Variants in DCUN1D2 observed in about 807,000 individuals in gnomAD.
DCUN1D2 encodes the protein defective in cullin neddylation 1 domain containing 2.
A neutral mutation model predicts 30.9 loss-of-function variants in DCUN1D2; 29 were observed. The ratio of observed to expected loss-of-function variants is 0.94; its 90% CI spans 0.70 to 1.28. The LOEUF is 1.28. Ranked by LOEUF, DCUN1D2 falls within the 50% of genes most tolerant of loss-of-function variation. DCUN1D2 has a pLI of 0.00. For synonymous variants in DCUN1D2, 121 were observed against 115.3 expected (o/e 1.05, Z -0.32); for missense variants, 325 against 316.9 (o/e 1.03, Z -0.19).
At chr13:113,483,329 C>A (rs2044742212) in intron 2 of DCUN1D2, among the ~76,000 whole-genome samples, 1 of 152,144 alleles carries the variant, frequency 6.6e-6, no homozygotes, top group Non-Finnish European at 1.5e-5. Context: ...TTTCCCAAAG[C>A]CTCTCTAATC....
chr13:113,489,437 A>G (rs969206820), intron 1 of DCUN1D2, among the ~76,000 whole-genome samples: 3 of 152,154 alleles, frequency 2.0e-5, no homozygotes, highest in African/African-American at 4.8e-5. Flanking sequence ...GGTCAGTGGG[A>G]TCTTTTCAGC....
chr13:113,472,949 CT>C (rs1169792046), intron 4 of DCUN1D2, among the ~76,000 whole-genome samples: 1 of 151,788 alleles, frequency 6.6e-6, no homozygotes, highest in Non-Finnish European at 1.5e-5. Flanking sequence ...CCGTGTCCCC[CT>C]GCGCCTCTGC....
chr13:113,484,267 AACATTTT>A (rs1326984017), intron 1 of DCUN1D2: 3 of 1,043,154 alleles, frequency 2.9e-6, no homozygotes, highest in Non-Finnish European at 4.0e-6. Context: ...TATGAGAATT[AACATTTT>A]ATACAAAATA....
At chr13:113,475,815 TAA>T (rs1424344996) in intron 3 of DCUN1D2, 1 of 152,218 alleles carries the variant, frequency 6.6e-6, no homozygotes, top group Non-Finnish European at 1.5e-5. Context: ...GTGACCTTCT[TAA>T]AAAAGGGAGT....
chr13:113,477,318 A>AT (rs1409234203), intron 3 of DCUN1D2, among the ~76,000 whole-genome samples: 2 of 152,080 alleles, frequency 1.3e-5, no homozygotes, highest in Non-Finnish European at 2.9e-5. Context: ...ATGAATTACT[A>AT]TTTTCTCTAT....
chr13:113,485,383 G>A (rs564406853), intron 1 of DCUN1D2, among the ~76,000 whole-genome samples: 1 of 152,264 alleles, frequency 6.6e-6, no homozygotes, highest in South Asian at 2.1e-4. Context: ...GGTGCCATTA[G>A]TACAAGGACG....
Position 113,490,591 on chromosome 13 carries a change from C to T in DCUN1D2, c.3+76G>A, listed in dbSNP as rs1465414430. The stretch of plus-strand genomic sequence containing the variant: ...GCTGGGCTCGGCCTCCCACATCCAG[C>T]GCGCCGCCTGCGCCGACCTTGGGGC... On this transcript the variant is annotated intron_variant, in intron 1 of 6. Coordinates refer to ENST00000478244, the MANE Select transcript of DCUN1D2 (RefSeq NM_001014283.2). The surrounding 1 kb of genome is among the most constrained non-coding windows in gnomAD (Gnocchi z 5.2). 1.7e-6 allele frequency: 2 copies of T among 1,193,042 alleles called. No individual in the cohort carries two copies. The highest frequency in any genetic ancestry group is 2.1e-6 in the Non-Finnish European group (2 of 956,794). The allele number at this position is 1,193,042 out of a possible 1,614,324, so 73.9% of individuals were successfully genotyped here. A position where few individuals can be genotyped will look rare whatever the true frequency, so the allele number is the denominator to read the frequency against.
intron 1 of DCUN1D2, among the ~76,000 whole-genome samples, chr13:113,485,697 G>A (rs1341554516): frequency 6.6e-6 from 1 of 151,544 alleles, no homozygotes; most frequent in Admixed American, 6.6e-5. Flanking sequence ...GCATGCTGAT[G>A]CCAAAATACC....
intron 3 of DCUN1D2, among the ~76,000 whole-genome samples, chr13:113,477,470 C>T (rs1472858653): frequency 6.6e-6 from 1 of 152,184 alleles, no homozygotes; most frequent in Non-Finnish European, 1.5e-5. Flanking sequence ...TTTTTACTTG[C>T]AGGCCTTGGA....
intron 3 of DCUN1D2, among the ~76,000 whole-genome samples, chr13:113,477,570 A>G (rs1307755435): frequency 6.6e-6 from 1 of 152,202 alleles, no homozygotes; most frequent in Non-Finnish European, 1.5e-5. Flanking sequence ...CTGAATAGAA[A>G]CAGTCATTTG....
chr13:113,483,220 C>G (rs1334696183), intron 2 of DCUN1D2, among the ~76,000 whole-genome samples: 1 of 152,158 alleles, frequency 6.6e-6, no homozygotes, highest in African/African-American at 2.4e-5. Flanking sequence ...CAGTTCAAGG[C>G]ACATTTTGAC....
intron 3 of DCUN1D2, among the ~76,000 whole-genome samples, chr13:113,477,576 A>C (rs2044638869): frequency 6.6e-6 from 1 of 152,148 alleles, no homozygotes; most frequent in Admixed American, 6.5e-5. Context: ...AGAAACAGTC[A>C]TTTGGGTTTT....
In DCUN1D2 at chr13:113,481,746, G is replaced by T. The variant is rs972218078; in HGVS notation, c.221-1003C>A. On this transcript the variant is annotated intron_variant, in intron 2 of 6. Transcript: ENST00000478244. ...TAAAAATACAAAAATTAACTGGGCG[G>T]GGTGGCTCACGCCTATAGTCCCAGC... Among the ~76,000 whole-genome samples the T allele has an allele frequency of 3.6e-4, 54 of 151,956 alleles. 1 individual carries two copies. Among genetic ancestry groups the T allele is most frequent in the African/African-American group, 9.9e-4 (41 of 41,444 alleles).
chr13:113,460,925 C>T, intron 5 of DCUN1D2, 129 bp downstream of exon 5: 1 of 608,370 alleles, frequency 1.6e-6, no homozygotes, highest in Non-Finnish European at 2.9e-6. Flanking sequence ...ACCTGCGGAT[C>T]TTTGTGTGGG....
At chr13:113,462,325 T>C (rs1016900496) in intron 4 of DCUN1D2, among the ~76,000 whole-genome samples, 19 of 151,862 alleles carry the variant, frequency 1.3e-4, no homozygotes, top group African/African-American at 4.1e-4. Flanking sequence ...CCTTTAATCA[T>C]GTTGAATAGT....
At chr13:113,460,123 A>G (rs1260209508) in intron 5 of DCUN1D2, among the ~76,000 whole-genome samples, 1 of 152,268 alleles carries the variant, frequency 6.6e-6, no homozygotes, top group Non-Finnish European at 1.5e-5. Flanking sequence ...GTAATACAGC[A>G]CATGATGTAA....
chr13:113,471,534 A>C (rs1444607299), intron 4 of DCUN1D2, among the ~76,000 whole-genome samples: 1 of 152,254 alleles, frequency 6.6e-6, no homozygotes, highest in African/African-American at 2.4e-5. Context: ...GTACTTACTG[A>C]AAACACTCAG....
At chr13:113,484,758 G>GT (rs2044771918) in intron 1 of DCUN1D2, among the ~76,000 whole-genome samples, 1 of 152,100 alleles carries the variant, frequency 6.6e-6, no homozygotes, top group Non-Finnish European at 1.5e-5. Flanking sequence ...ATGAAACAAA[G>GT]TAACATCTTG....
chr13:113,480,435 A>G (rs2044688773), intron 3 of DCUN1D2, 140 bp downstream of exon 3: 3 of 693,202 alleles, frequency 4.3e-6, no homozygotes, highest in African/African-American at 3.7e-5. Context: ...GATAGTGCGG[A>G]GAGTACAGAC....
Sources: allele counts gnomAD v4.1 joint callset (sites outside exome capture counted in the v4.1 genomes callset), GRCh38; gene constraint gnomAD v4.1.1; non-coding constraint Gnocchi (gnomAD v3.1); transcripts MANE v1.5; gene names NCBI Gene and HGNC (gene_info 2026-07-23, HGNC 2026-07-21).